The following CDH13 variants were observed in gnomAD, a reference collection of about 807,000 sequenced individuals.
CDH13 encodes the protein cadherin 13, also known as cadherin-13.
A neutral mutation model predicts 63.8 loss-of-function variants in CDH13; 24 were observed. The ratio of observed to expected loss-of-function variants is 0.38; its 90% CI spans 0.27 to 0.53. The LOEUF (loss-of-function observed/expected upper bound fraction) is 0.53, where lower values mean the gene tolerates loss of function less well. Among genes scored for constraint, CDH13 ranks in the 20% least tolerant of loss-of-function variants. The probability of loss-of-function intolerance (pLI) is 0.85; values close to 1 mark genes in which losing one functional copy is unlikely to be tolerated. For missense variants in CDH13, 1,049 were observed against 903.1 expected (o/e 1.16, Z -2.07); for synonymous variants, 503 against 355.3 (o/e 1.42, Z -4.67).
At chr16:82,937,112 T>G (rs189104522) in intron 2 of CDH13, among the ~76,000 whole-genome samples, 332 of 152,244 alleles carry the variant, frequency 2.2e-3, no homozygotes, top group Admixed American at 3.1e-3. Flanking sequence ...AAATAGTAAC[T>G]AGCATTAAAC....
In CDH13 at chr16:83,746,198, A is replaced by AACCAAG. The variant is rs1161647107; in HGVS notation, c.1539-1907_1539-1902dup. On this transcript the variant is annotated intron_variant, in intron 10 of 13. Transcript: ENST00000567109. The stretch of plus-strand genomic sequence containing the variant: ...TCCAAAATCAGTCTAACTGAGTCAA[A>AACCAAG]ACCAAGACGTTGGCAGGGCCACGTT... Among the ~76,000 whole-genome samples, 6 of 152,172 alleles carry AACCAAG rather than the reference A, an allele frequency of 3.9e-5. No homozygotes were observed. The East Asian group carries it at 1.2e-3, about 29-fold the overall frequency.
chr16:82,704,604 G>C (rs1364681184), intron 1 of CDH13, among the ~76,000 whole-genome samples: 2 of 152,212 alleles, frequency 1.3e-5, no homozygotes, highest in Non-Finnish European at 2.9e-5. Context: ...TTAAGGGCAA[G>C]TGCTGCAGAG....
chr16:82,743,069 T>C (rs2034004793), intron 1 of CDH13, among the ~76,000 whole-genome samples: 1 of 152,162 alleles, frequency 6.6e-6, no homozygotes, highest in South Asian at 2.1e-4. Context: ...GTATAATAAA[T>C]CCCATGTATG....
intron 10 of CDH13, among the ~76,000 whole-genome samples, chr16:83,703,608 G>T (rs1157872982): frequency 4.6e-5 from 7 of 152,150 alleles, no homozygotes; most frequent in Non-Finnish European, 7.3e-5. Context: ...GGGCTTTCAG[G>T]CTCCTGGAAT....
chr16:83,645,581 C>T (rs1482671764), intron 8 of CDH13, among the ~76,000 whole-genome samples: 1 of 151,756 alleles, frequency 6.6e-6, no homozygotes, highest in African/African-American at 2.4e-5. Context: ...AAAGGTACTC[C>T]ATCAGAACAC....
chr16:83,633,134 T>C (rs1354928127), intron 8 of CDH13, among the ~76,000 whole-genome samples: 1 of 152,190 alleles, frequency 6.6e-6, no homozygotes, highest in Non-Finnish European at 1.5e-5. Context: ...CAGCAAGGTC[T>C]TCCTGATCTA....
chr16:83,390,782 T>C (rs2091770946), intron 6 of CDH13, among the ~76,000 whole-genome samples: 1 of 152,186 alleles, frequency 6.6e-6, no homozygotes, highest in Admixed American at 6.5e-5. Flanking sequence ...AATTTTTTAA[T>C]TAAATAAAAA....
At chr16:83,353,731 G>A (rs1013098489) in intron 6 of CDH13, among the ~76,000 whole-genome samples, 10 of 152,216 alleles carry the variant, frequency 6.6e-5, no homozygotes, top group African/African-American at 2.2e-4. Flanking sequence ...ACTAGCCTAT[G>A]TATCTGCCTC....
At chr16:83,657,085 A>G (rs936075126) in intron 8 of CDH13, among the ~76,000 whole-genome samples, 3 of 152,362 alleles carry the variant, frequency 2.0e-5, no homozygotes, top group Middle Eastern at 3.4e-3. Context: ...CTAAAGTCAC[A>G]TGAATAAGAT....
rs540663087 is a variant in CDH13 at position 83,005,165 on chromosome 16, A to G, written c.158-26845A>G. On this transcript the variant is annotated intron_variant, in intron 2 of 13. Transcript: ENST00000567109. ...AGAGGGTAGGAGATGAGATTCTATTATTACAAGAAGACACAATTTCTGCCA... is the reference window on the plus strand; with the variant it reads ...AGAGGGTAGGAGATGAGATTCTATTGTTACAAGAAGACACAATTTCTGCCA... 2.6e-5 allele frequency among the ~76,000 whole-genome samples: 4 copies of G among 152,288 alleles called. No homozygotes were observed. In the East Asian group the frequency reaches 5.8e-4, roughly 22 times the overall value.
intron 1 of CDH13, among the ~76,000 whole-genome samples, chr16:82,807,936 G>C (rs2037233931): frequency 6.6e-6 from 1 of 152,136 alleles, no homozygotes; most frequent in Non-Finnish European, 1.5e-5. Flanking sequence ...AACGATCAAA[G>C]GGAATTGGTT....
intron 5 of CDH13, among the ~76,000 whole-genome samples, chr16:83,227,067 G>T (rs978899678): frequency 1.3e-5 from 2 of 152,194 alleles, no homozygotes; most frequent in Non-Finnish European, 2.9e-5. Flanking sequence ...AAGACCCTTG[G>T]GTTCGAGAAC....
chr16:83,508,067 G>GGAAA (rs1555563669), intron 7 of CDH13, among the ~76,000 whole-genome samples: 5 of 64,194 alleles, frequency 7.8e-5, no homozygotes. Context: ...AAGGAAGGAA[G>GGAAA]GAAGGAAGGA....
intron 6 of CDH13, among the ~76,000 whole-genome samples, chr16:83,411,989 A>G (rs560644144): frequency 3.9e-5 from 6 of 152,274 alleles, no homozygotes; most frequent in African/African-American, 1.4e-4. Context: ...CCATTGTGCT[A>G]CTGACAGTGT....
chr16:82,815,420 T>A (rs1229443647), intron 1 of CDH13, among the ~76,000 whole-genome samples: 1 of 152,100 alleles, frequency 6.6e-6, no homozygotes, highest in African/African-American at 2.4e-5. Context: ...GCTGGTGGTG[T>A]TGCGATTCTG....
chr16:83,427,637 T>A (rs1233751775), intron 6 of CDH13, among the ~76,000 whole-genome samples: 2 of 152,164 alleles, frequency 1.3e-5, no homozygotes, highest in African/African-American at 4.8e-5. Context: ...CACCACTAGA[T>A]AACACAGCAA....
At chr16:83,511,287 C>A (rs1487265554) in intron 7 of CDH13, among the ~76,000 whole-genome samples, 1 of 152,130 alleles carries the variant, frequency 6.6e-6, no homozygotes, top group Non-Finnish European at 1.5e-5. Flanking sequence ...CATGACAAAA[C>A]CACATCTCTA....
intron 4 of CDH13, among the ~76,000 whole-genome samples, chr16:83,211,644 C>T (rs983092599): frequency 2.6e-5 from 4 of 152,062 alleles, no homozygotes; most frequent in Admixed American, 6.6e-5. Flanking sequence ...AAAGGCATAC[C>T]GTGAGAACAC....
intron 6 of CDH13, among the ~76,000 whole-genome samples, chr16:83,483,055 C>G (rs2073808710): frequency 6.6e-6 from 1 of 152,130 alleles, no homozygotes; most frequent in African/African-American, 2.4e-5. Context: ...CTCACAACAA[C>G]CAAAGGGGAA....
Sources: gnomAD v4.1 joint callset for allele counts (sites outside exome capture counted in the v4.1 genomes callset) on GRCh38, gnomAD v4.1.1 for gene constraint, MANE v1.5 for transcripts, NCBI Gene and HGNC (gene_info 2026-07-23, HGNC 2026-07-21) for gene names.